Variants in IPP observed in about 807,000 individuals in gnomAD.
The protein encoded by IPP is actin-binding protein IPP.
In IPP, 41 loss-of-function variants were observed where a neutral mutation model predicts 64.1. That is an observed-to-expected ratio of 0.64 (90% confidence interval 0.50 to 0.83). IPP has a LOEUF of 0.83. Among genes scored for constraint, IPP ranks in the 40% least tolerant of loss-of-function variants. IPP has a pLI of 0.00. For missense variants in IPP, 649 were observed against 703.0 expected, an observed-to-expected ratio of 0.92 and a Z score of 0.87; for synonymous variants, 214 against 235.2, an observed-to-expected ratio of 0.91 and a Z score of 0.83.
intron 2 of IPP, among the ~76,000 whole-genome samples, chr1:45,742,272 A>C (rs1036520810): frequency 4.6e-5 from 7 of 152,270 alleles, no homozygotes; most frequent in Non-Finnish European, 1.0e-4. Flanking sequence ...CAGGTATTAT[A>C]CTGATTAACT....
At chr1:45,749,578 T>A (rs1235162085) in intron 1 of IPP, among the ~76,000 whole-genome samples, 2 of 147,842 alleles carry the variant, frequency 1.4e-5, no homozygotes, top group East Asian at 4.0e-4. Flanking sequence ...TGGAGTGCAG[T>A]GGCACGATCT....
rs561384018 is a variant in IPP, at chr1:45,725,899, T to C, written c.1048+1732A>G. 2.2e-5 allele frequency among the ~76,000 whole-genome samples: 3 copies of C among 136,196 alleles called. No homozygotes were observed. The South Asian group carries it at 7.7e-4, about 35-fold the overall frequency. 89.3% of individuals were successfully genotyped at this position (136,196 alleles called of 152,430 possible). A position where few individuals can be genotyped will look rare whatever the true frequency, so the allele number is the denominator to read the frequency against. ...CAGATGCTTGAAGGCAGCATGCTCGTTAAGAGTCATCACCACTCCCTAATC... is the reference window on the plus strand; with the variant it reads ...CAGATGCTTGAAGGCAGCATGCTCGCTAAGAGTCATCACCACTCCCTAATC... On this transcript the variant is annotated intron_variant, in intron 5 of 8. Coordinates refer to ENST00000396478, the MANE Select transcript of IPP (RefSeq NM_005897.3).
chr1:45,746,297 C>T lies in IPP; in HGVS notation c.115G>A (p.Val39Met), dbSNP rs374877364. The change falls in exon 2 of 9, where the codon GTG (valine) becomes ATG (methionine). Residue 39 changes from valine to methionine, a missense_variant. Coordinates refer to ENST00000396478, the MANE Select transcript of IPP (RefSeq NM_005897.3). Reference protein sequence around the residue: ...KMRNGQHFCDVQLQVGQESFK... With the variant: ...KMRNGQHFCDMQLQVGQESFK... ...CTTTCCTGTCCAACTTGCAGCTGCA[C>T]ATCACAGAAATGCTGTCCATTTCTC... is the stretch of plus-strand genomic sequence containing the variant. The T allele has an allele frequency of 1.9e-6, 3 of 1,614,070 alleles. No homozygotes were observed. The highest frequency in any genetic ancestry group is 1.3e-5 in the African/African-American group (1 of 74,924).
At chr1:45,719,421 T>C (rs192923926) in intron 5 of IPP, 81 bp from the exon 6 acceptor site, 1 of 866,264 alleles carries the variant, frequency 1.2e-6, no homozygotes, top group African/African-American at 1.7e-5. Flanking sequence ...TTCAGTAGTA[T>C]TCCCTATCGT....
At chr1:45,729,580 A>G in intron 4 of IPP, 34 bp downstream of exon 4, 1 of 1,534,174 alleles carries the variant, frequency 6.5e-7, no homozygotes, top group South Asian at 1.2e-5. Context: ...GAACACAAAT[A>G]TAATTTCTAT....
rs1432884845 is a variant in IPP, at chr1:45,699,278, C to T, written c.*688G>A. 2.0e-6 allele frequency: 2 copies of T among 985,208 alleles called. No homozygotes were observed. The highest frequency in any genetic ancestry group is 2.4e-6 in the Non-Finnish European group (2 of 829,924). 61.0% of individuals were successfully genotyped at this position (985,208 alleles called of 1,614,324 possible). A position where few individuals can be genotyped will look rare whatever the true frequency, so the allele number is the denominator to read the frequency against. Reference sequence around the variant, plus strand: ...GTTTGGGGCTAGTGAAAACTCTTGGCATTAAATAAAAGTAGGAATCTATTT... The same window carrying T: ...GTTTGGGGCTAGTGAAAACTCTTGGTATTAAATAAAAGTAGGAATCTATTT... On this transcript the variant is annotated 3_prime_UTR_variant, in exon 9 of 9. Transcript: ENST00000396478.
At chr1:45,744,957 G>C (rs969653979) in intron 2 of IPP, among the ~76,000 whole-genome samples, 1 of 152,100 alleles carries the variant, frequency 6.6e-6, no homozygotes, top group Non-Finnish European at 1.5e-5. Context: ...GCTATGCAGG[G>C]TGGTGAGATG....
intron 8 of IPP, among the ~76,000 whole-genome samples, chr1:45,707,715 A>G (rs972499460): frequency 2.6e-5 from 4 of 152,178 alleles, no homozygotes; most frequent in South Asian, 2.1e-4. Flanking sequence ...CAGAGCCTCA[A>G]TGGCTGTGGG....
At chr1:45,714,708 T>A (rs1399395723) in intron 7 of IPP, among the ~76,000 whole-genome samples, 1 of 152,180 alleles carries the variant, frequency 6.6e-6, no homozygotes, top group Non-Finnish European at 1.5e-5. Flanking sequence ...AAATAATCTG[T>A]CAGCTAAGGA....
chr1:45,741,202 T>C lies in IPP; in HGVS notation c.423A>G (p.Gly141=). ...CAATTTGCTCAGAGAACTGAAAAATTCCAATGCAGTTCAGTGGATCAATTT... is the reference window on the plus strand; with the variant it reads ...CAATTTGCTCAGAGAACTGAAAAATCCCAATGCAGTTCAGTGGATCAATTT... ...KGQIDPLNCI[G]IFQFSEQIAC... The change falls in exon 3 of 9, where the codon GGA becomes GGG. Residue 141 remains glycine, a synonymous_variant. Transcript: ENST00000396478. 1 of 1,614,128 alleles carries C rather than the reference T, an allele frequency of 6.2e-7. No individual in the cohort carries two copies. Among genetic ancestry groups the C allele is most frequent in the African/African-American group, 1.3e-5 (1 of 75,034 alleles).
chr1:45,694,607 A>G (rs547249647), downstream of IPP: 3 of 701,948 alleles, frequency 4.3e-6, no homozygotes, highest in East Asian at 8.3e-5. Context: ...TAACCCAATT[A>G]TATGAGCTAA....
chr1:45,714,049 A>C (rs1225417780), intron 8 of IPP, among the ~76,000 whole-genome samples, 197 bp downstream of exon 8: 1 of 152,190 alleles, frequency 6.6e-6, no homozygotes, highest in Non-Finnish European at 1.5e-5. Flanking sequence ...TGGAAAAGTA[A>C]GAACAGAAAT....
At chr1:45,702,147 G>C (rs532792316) in intron 8 of IPP, among the ~76,000 whole-genome samples, 2 of 152,210 alleles carry the variant, frequency 1.3e-5, no homozygotes, top group East Asian at 3.9e-4. Flanking sequence ...AATGCCCCTT[G>C]ACAATAACAA....
chr1:45,722,243 G>T (rs1364920911), intron 5 of IPP, among the ~76,000 whole-genome samples: 1 of 151,772 alleles, frequency 6.6e-6, no homozygotes, highest in Non-Finnish European at 1.5e-5. Context: ...GACAGAGTGA[G>T]ACTCCGTTTC....
At chr1:45,733,185 G>C (rs949462712) in intron 3 of IPP, among the ~76,000 whole-genome samples, 24 of 151,890 alleles carry the variant, frequency 1.6e-4, no homozygotes, top group African/African-American at 5.8e-4. Context: ...CCAGCACTTT[G>C]GGAGGCCGAG....
At chr1:45,696,436 T>C (rs141564982), downstream of IPP, among the ~76,000 whole-genome samples, 63 of 152,292 alleles carry the variant, frequency 4.1e-4, no homozygotes, top group African/African-American at 1.5e-3. Flanking sequence ...ACTGATAAAG[T>C]AATACAAAGA....
Position 45,698,981 on chromosome 1 carries a change from C to A in IPP, c.*985G>T. 2.2e-6 allele frequency: 2 copies of A among 913,738 alleles called. No individual in the cohort carries two copies. The highest frequency in any genetic ancestry group is 2.6e-6 in the Non-Finnish European group (2 of 764,616). The allele number at this position is 913,738 out of a possible 1,614,324, so 56.6% of individuals were successfully genotyped here. ...AAGCCATCTTCCCGTCTCACCTCGG[C>A]CTCTCAAAGTGCTGGGATTACAGGT... On this transcript the variant is annotated 3_prime_UTR_variant, in exon 9 of 9. Coordinates refer to ENST00000396478, the MANE Select transcript of IPP (RefSeq NM_005897.3).
chr1:45,747,141 C>G (rs1646148649), intron 1 of IPP, among the ~76,000 whole-genome samples: 1 of 152,068 alleles, frequency 6.6e-6, no homozygotes, highest in Non-Finnish European at 1.5e-5. Context: ...CGCTTCAGAG[C>G]TCCTTGAAAC....
chr1:45,712,527 C>T (rs961212645), intron 8 of IPP, among the ~76,000 whole-genome samples: 24 of 150,982 alleles, frequency 1.6e-4, no homozygotes, highest in Non-Finnish European at 3.2e-4. Flanking sequence ...TCTTACAACC[C>T]ATTAGTCAAA....
Sources: gnomAD v4.1 joint callset for allele counts (sites outside exome capture counted in the v4.1 genomes callset) on GRCh38, gnomAD v4.1.1 for gene constraint, MANE v1.5 for transcripts, NCBI Gene and HGNC (gene_info 2026-07-23, HGNC 2026-07-21) for gene names.